LEKR1: variants seen among roughly 807,000 people sequenced by gnomAD.
LEKR1 encodes the protein protein LEKR1.
Under a neutral mutation model 72.4 loss-of-function variants are expected in LEKR1, and 59 were observed. The observed-to-expected ratio is 0.82, with a 90% CI of 0.66 to 1.01. The LOEUF (loss-of-function observed/expected upper bound fraction) is 1.01. Ranked by LOEUF, LEKR1 falls within the 50% of genes least tolerant of loss-of-function variation. The probability of loss-of-function intolerance (pLI) is 0.00; values close to 1 mark genes in which losing one functional copy is unlikely to be tolerated. For synonymous variants in LEKR1, 257 were observed against 263.2 expected, an observed-to-expected ratio of 0.98 and a Z score of 0.23; for missense variants, 728 against 759.2, an observed-to-expected ratio of 0.96 and a Z score of 0.48.
chr3:157,018,065 A>G lies in LEKR1; in HGVS notation c.1203+6559A>G, dbSNP rs532673791. ...TATTTTGCTAGGATTAAAGGAAGAT[A>G]TTTAATAATGACAAAGGGATCAGTT... On this transcript the variant is annotated intron_variant, in intron 10 of 12. Transcript: ENST00000356539. Among the ~76,000 whole-genome samples, 26 of 152,262 alleles carry G rather than the reference A, an allele frequency of 1.7e-4. No individual in the cohort carries two copies. In the South Asian group the frequency reaches 5.0e-3, roughly 29 times the overall value.
intron 10 of LEKR1, among the ~76,000 whole-genome samples, chr3:157,023,082 G>A (rs1577010893): frequency 1.3e-5 from 2 of 151,404 alleles, no homozygotes; most frequent in South Asian, 4.2e-4. Flanking sequence ...TTGTACCCTG[G>A]CTTCATTGTT....
intron 3 of LEKR1, among the ~76,000 whole-genome samples, chr3:156,905,481 G>A (rs900998990): frequency 6.6e-6 from 1 of 152,116 alleles, no homozygotes; most frequent in Non-Finnish European, 1.5e-5. Context: ...AAATAATTTG[G>A]TTTTAAATAT....
At chr3:157,005,749 A>C (rs1047957932) in intron 9 of LEKR1, among the ~76,000 whole-genome samples, 3 of 152,184 alleles carry the variant, frequency 2.0e-5, no homozygotes, top group Admixed American at 1.3e-4. Context: ...GAATGAAAAT[A>C]AAAACCACAG....
At chr3:157,007,459 T>A (rs1419009859) in intron 9 of LEKR1, among the ~76,000 whole-genome samples, 1 of 152,226 alleles carries the variant, frequency 6.6e-6, no homozygotes, top group Non-Finnish European at 1.5e-5. Flanking sequence ...AATGTTCCCC[T>A]CCTTTAGCGT....
intron 10 of LEKR1, 24 bp from the exon 11 acceptor site, chr3:157,024,736 A>G (rs577709235): frequency 2.5e-6 from 4 of 1,574,286 alleles, no homozygotes; most frequent in African/African-American, 2.7e-5. Context: ...ATAGTTTTAC[A>G]TGTGCTTTAA....
chr3:156,890,321 ATAATC>A (rs1160656582), intron 3 of LEKR1, among the ~76,000 whole-genome samples: 1 of 152,210 alleles, frequency 6.6e-6, no homozygotes, highest in East Asian at 1.9e-4. Context: ...CTGAGAAGTT[ATAATC>A]AACTCAATAT....
At chr3:156,952,872 CATAG>C (rs1160322182) in intron 6 of LEKR1, among the ~76,000 whole-genome samples, 1 of 151,226 alleles carries the variant, frequency 6.6e-6, no homozygotes, top group Non-Finnish European at 1.5e-5. Context: ...TCCATATAGC[CATAG>C]AGAGAGAGAA....
rs1732048038 is a variant in LEKR1, at chr3:157,001,945, G to A, written c.1109+8668G>A. Among the ~76,000 whole-genome samples, 3 of 152,144 alleles carry A rather than the reference G, an allele frequency of 2.0e-5. No homozygotes were observed. In the South Asian group the frequency reaches 6.2e-4, roughly 32 times the overall value. On this transcript the variant is annotated intron_variant, in intron 9 of 12. Coordinates refer to ENST00000356539, the MANE Select transcript of LEKR1 (RefSeq NM_001004316.3). Reference sequence around the variant, plus strand: ...TAGGGATGGATGCATGCATGGATGGGAATGAATTTAATTTCTATCAAACAA... The same window carrying A: ...TAGGGATGGATGCATGCATGGATGGAAATGAATTTAATTTCTATCAAACAA...
chr3:156,967,959 G>A (rs913647746), intron 6 of LEKR1, among the ~76,000 whole-genome samples: 16 of 152,142 alleles, frequency 1.1e-4, no homozygotes, highest in Admixed American at 2.6e-4. Context: ...GAAGAGAGGC[G>A]GGGCCAATAT....
At chr3:157,030,002 CTG>C (rs1236264315) in intron 12 of LEKR1, among the ~76,000 whole-genome samples, 1 of 152,120 alleles carries the variant, frequency 6.6e-6, no homozygotes, top group Non-Finnish European at 1.5e-5. Context: ...ATATGTGAGA[CTG>C]GATAATTTAT....
chr3:156,946,560 G>T (rs1398025781), intron 6 of LEKR1, among the ~76,000 whole-genome samples: 1 of 151,344 alleles, frequency 6.6e-6, no homozygotes, highest in African/African-American at 2.4e-5. Context: ...TGCTCAGTAT[G>T]ATACTAAATG....
At chr3:157,019,474 T>C (rs187244777) in intron 10 of LEKR1, among the ~76,000 whole-genome samples, 1 of 152,278 alleles carries the variant, frequency 6.6e-6, no homozygotes, top group East Asian at 1.9e-4. Context: ...TAGAAGAGGA[T>C]ATAGATAAAT....
intron 3 of LEKR1, among the ~76,000 whole-genome samples, chr3:156,861,126 AC>A (rs1468092287): frequency 6.6e-6 from 1 of 152,200 alleles, no homozygotes; most frequent in Non-Finnish European, 1.5e-5. Context: ...AAGGAAACAG[AC>A]ACTATCAGGG....
intron 2 of LEKR1, among the ~76,000 whole-genome samples, chr3:156,835,169 A>G (rs1272631520): frequency 1.3e-5 from 2 of 152,200 alleles, no homozygotes; most frequent in Non-Finnish European, 2.9e-5. Flanking sequence ...CTAAATTTGC[A>G]TTTCTAAAGG....
intron 6 of LEKR1, among the ~76,000 whole-genome samples, chr3:156,944,462 A>T (rs796111017): frequency 6.6e-6 from 1 of 151,792 alleles, no homozygotes; most frequent in East Asian, 1.9e-4. Context: ...ATTATTGTTG[A>T]CTGTGGTTAC....
chr3:156,955,001 T>A (rs1727493867), intron 6 of LEKR1, among the ~76,000 whole-genome samples: 1 of 152,118 alleles, frequency 6.6e-6, no homozygotes, highest in Admixed American at 6.6e-5. Context: ...TGGAATGTTT[T>A]TCCATTTGTT....
intron 3 of LEKR1, among the ~76,000 whole-genome samples, chr3:156,882,376 A>G (rs1263290603): frequency 2.6e-5 from 4 of 152,130 alleles, no homozygotes; most frequent in Non-Finnish European, 5.9e-5. Flanking sequence ...GAAGACATTT[A>G]TGCAGCCAAA....
intron 2 of LEKR1, among the ~76,000 whole-genome samples, chr3:156,848,154 A>G (rs1275713583): frequency 6.6e-6 from 1 of 152,180 alleles, no homozygotes; most frequent in African/African-American, 2.4e-5. Context: ...GATGGGCAAA[A>G]ATTTTAAGAA....
intron 3 of LEKR1, among the ~76,000 whole-genome samples, chr3:156,867,591 A>G (rs1247186212): frequency 6.6e-6 from 1 of 151,840 alleles, no homozygotes; most frequent in African/African-American, 2.4e-5. Flanking sequence ...CTTCTTTTTT[A>G]TATTGTTACC....
Sources: gnomAD v4.1 joint callset for allele counts (sites outside exome capture counted in the v4.1 genomes callset) on GRCh38, gnomAD v4.1.1 for gene constraint, MANE v1.5 for transcripts, NCBI Gene and HGNC (gene_info 2026-07-23, HGNC 2026-07-21) for gene names.